Variants in FREM2 observed in about 807,000 individuals in gnomAD.
FREM2 encodes the protein FRAS1 related extracellular matrix 2.
In FREM2, 119 loss-of-function variants were observed where a neutral mutation model predicts 219.9. That is an observed-to-expected ratio of 0.54 (90% CI 0.47 to 0.63). The LOEUF (loss-of-function observed/expected upper bound fraction) is 0.63, where lower values mean the gene tolerates loss of function less well. Ranked by LOEUF, FREM2 falls within the 30% of genes least tolerant of loss-of-function variation. The pLI is 0.00. For synonymous variants in FREM2, 1,562 were observed against 1,522.8 expected (o/e 1.03, Z -0.60); for missense variants, 4,030 against 3,993.6 (o/e 1.01, Z -0.25).
intron 6 of FREM2, among the ~76,000 whole-genome samples, chr13:38,815,074 TGG>T (rs1330074027): frequency 6.6e-6 from 1 of 152,184 alleles, no homozygotes; most frequent in African/African-American, 2.4e-5. Flanking sequence ...GTGGCAGAGC[TGG>T]TGCTGATTTT....
In FREM2 at chr13:38,885,527, T is replaced by C. The variant is rs1174793180; in HGVS notation, c.*4740T>C. The C allele has an allele frequency of 6.6e-6, 1 of 152,180 alleles. No individual in the cohort carries two copies. The highest frequency in any genetic ancestry group is 2.4e-5 in the African/African-American group (1 of 41,442). The allele number at this position is 152,180 out of a possible 1,614,324, so 9.4% of individuals were successfully genotyped here. ...TTCTTTCTTTTAATTTGTTGAACTA[T>C]AGGTTTCTTTCTGAGATGTATTTTT... On this transcript the variant is annotated 3_prime_UTR_variant, in exon 24 of 24. Coordinates refer to ENST00000280481, the MANE Select transcript of FREM2 (RefSeq NM_207361.6).
chr13:38,710,409 C>G (rs1213920372), intron 2 of FREM2, among the ~76,000 whole-genome samples: 1 of 152,116 alleles, frequency 6.6e-6, no homozygotes, highest in African/African-American at 2.4e-5. Context: ...TACTTCAGGA[C>G]CAATGAGAAG....
intron 2 of FREM2, among the ~76,000 whole-genome samples, chr13:38,758,214 A>G (rs1214387634): frequency 6.6e-6 from 1 of 152,166 alleles, no homozygotes; most frequent in African/African-American, 2.4e-5. Context: ...AAGGAATTAA[A>G]TATTTAGTAA....
chr13:38,879,089 T>C, intron 23 of FREM2, 112 bp downstream of exon 23: 2 of 1,009,850 alleles, frequency 2.0e-6, no homozygotes, highest in Non-Finnish European at 3.2e-6. Context: ...TAATATTGCA[T>C]ACAGTTAATG....
intron 2 of FREM2, among the ~76,000 whole-genome samples, chr13:38,710,081 G>A (rs1275262959): frequency 6.6e-6 from 1 of 151,714 alleles, no homozygotes; most frequent in Non-Finnish European, 1.5e-5. Flanking sequence ...CCCAGCAGGA[G>A]GCTGAGGCAG....
chr13:38,779,250 A>G (rs1338231930), intron 4 of FREM2, among the ~76,000 whole-genome samples: 1 of 152,102 alleles, frequency 6.6e-6, no homozygotes, highest in Non-Finnish European at 1.5e-5. Flanking sequence ...AAGGGGAGGG[A>G]GAGCATTAGG....
At chr13:38,772,243 T>A in intron 4 of FREM2, among the ~76,000 whole-genome samples, 1 of 152,208 alleles carries the variant, frequency 6.6e-6, no homozygotes, top group Non-Finnish European at 1.5e-5. Flanking sequence ...CAGCACTATA[T>A]ATTGGGAATG....
intron 6 of FREM2, among the ~76,000 whole-genome samples, chr13:38,845,369 T>C (rs887783998): frequency 1.3e-5 from 2 of 152,174 alleles, no homozygotes; most frequent in Non-Finnish European, 2.9e-5. Flanking sequence ...TGAAACATGA[T>C]ATCATGTTTT....
chr13:38,739,501 A>C (rs1476175204), intron 2 of FREM2, among the ~76,000 whole-genome samples: 1 of 152,176 alleles, frequency 6.6e-6, no homozygotes, highest in Non-Finnish European at 1.5e-5. Context: ...CTCTTCATGA[A>C]ACCAAATCAT....
rs1878589821 is a variant in FREM2, at chr13:38,882,701, C to T, written c.*1914C>T. 6.6e-6 allele frequency: 1 copy of T among 152,108 alleles called. No individual in the cohort carries two copies. Among genetic ancestry groups the T allele is most frequent in the African/African-American group, 2.4e-5 (1 of 41,404 alleles). The allele number at this position is 152,108 out of a possible 1,614,324, so 9.4% of individuals were successfully genotyped here. A position where few individuals can be genotyped will look rare whatever the true frequency, so the allele number is the denominator to read the frequency against. On this transcript the variant is annotated 3_prime_UTR_variant, in exon 24 of 24. Coordinates refer to ENST00000280481, the MANE Select transcript of FREM2 (RefSeq NM_207361.6). Reference sequence around the variant, plus strand: ...ATCATTCCCCTTTCCTTTGCTTTACCTTCTGGCAGATGCTTAGCTACTTCT... The same window carrying T: ...ATCATTCCCCTTTCCTTTGCTTTACTTTCTGGCAGATGCTTAGCTACTTCT...
intron 2 of FREM2, among the ~76,000 whole-genome samples, chr13:38,714,766 TA>T (rs1354403202): frequency 1.3e-5 from 2 of 152,026 alleles, no homozygotes; most frequent in Non-Finnish European, 2.9e-5. Flanking sequence ...AGTTTTTAGT[TA>T]AAAAAACTTA....
chr13:38,694,731 G>A lies in FREM2; in HGVS notation c.5173+2214G>A, dbSNP rs1870034503. 4.6e-5 allele frequency among the ~76,000 whole-genome samples: 7 copies of A among 152,130 alleles called. No individual in the cohort carries two copies. The South Asian group carries it at 1.4e-3, about 32-fold the overall frequency. The stretch of plus-strand genomic sequence containing the variant: ...CCTTTCTAAAACTTATTAAATTGAT[G>A]AAAAGTTAACAATGTATAATTAGGT... On this transcript the variant is annotated intron_variant, in intron 1 of 23. Transcript: ENST00000280481.
chr13:38,715,989 A>G (rs1364980726), intron 2 of FREM2, among the ~76,000 whole-genome samples: 1 of 152,154 alleles, frequency 6.6e-6, no homozygotes, highest in Admixed American at 6.5e-5. Flanking sequence ...TTGAGTTCCA[A>G]AGTTACCTAG....
intron 2 of FREM2, among the ~76,000 whole-genome samples, chr13:38,712,893 A>T (rs994175191): frequency 6.6e-6 from 1 of 152,172 alleles, no homozygotes; most frequent in African/African-American, 2.4e-5. Context: ...TTTAATTCTC[A>T]TAGTAATTAA....
At chr13:38,832,436 GA>G (rs1566158900) in intron 6 of FREM2, among the ~76,000 whole-genome samples, 1 of 152,038 alleles carries the variant, frequency 6.6e-6, no homozygotes, top group Non-Finnish European at 1.5e-5. Flanking sequence ...GGTAGCAAAT[GA>G]ATGTATGCAA....
chr13:38,691,825 A>G lies in FREM2; in HGVS notation c.4481A>G (p.Tyr1494Cys), dbSNP rs1436823905. 1.9e-6 allele frequency: 3 copies of G among 1,614,108 alleles called. No individual in the cohort carries two copies. The highest frequency in any genetic ancestry group is 2.2e-5 in the East Asian group (1 of 44,884). Residue 1494 changes from tyrosine to cysteine, a missense_variant, in exon 1 of 24, where the codon TAC becomes TGC. Physicochemically the swap from Tyr to Cys is radical, Grantham distance 194 (BLOSUM62 -2). This residue lies in a region of FREM2 where 3,102 missense variants were observed against 2,950.7 expected (regional missense o/e 1.05). Coordinates refer to ENST00000280481, the MANE Select transcript of FREM2 (RefSeq NM_207361.6). ...CAACTGGCTGGAAACAAAATCTACT[A>G]CATCCACACAGCTGATGATGAAGTG... Reference protein sequence around the residue: ...QLQLAGNKIYYIHTADDEVKM... With the variant: ...QLQLAGNKIYCIHTADDEVKM...
At chr13:38,755,994 A>T (rs567409440) in intron 2 of FREM2, among the ~76,000 whole-genome samples, 34 of 152,318 alleles carry the variant, frequency 2.2e-4, no homozygotes, top group Non-Finnish European at 4.3e-4. Context: ...CCAGGGACAG[A>T]TGGCTGGAGG....
intron 6 of FREM2, among the ~76,000 whole-genome samples, chr13:38,805,333 G>A (rs1875182444): frequency 1.3e-5 from 2 of 151,524 alleles, no homozygotes; most frequent in Non-Finnish European, 1.5e-5. Context: ...AAGGAGGAGA[G>A]GGATTGAAAA....
chr13:38,688,372 T>C lies in FREM2; in HGVS notation c.1028T>C (p.Leu343Pro), dbSNP rs754547513. The change falls in exon 1 of 24, where the codon CTG becomes CCG. Residue 343 changes from leucine to proline, a missense_variant. Leu to Pro is a moderately conservative substitution (Grantham distance 98). Transcript: ENST00000280481. The part of the protein sequence containing the change: ...FVLTALTPDM[L>P]AAEDAESPSD... Reference sequence around the variant, plus strand: ...CTGACGGCCCTGACCCCAGACATGCTGGCAGCCGAGGATGCTGAGTCTCCC... The same window carrying C: ...CTGACGGCCCTGACCCCAGACATGCCGGCAGCCGAGGATGCTGAGTCTCCC... 5 of 1,614,150 alleles carry C rather than the reference T, an allele frequency of 3.1e-6. No homozygotes were observed. The South Asian group carries it at 4.4e-5, about 14-fold the overall frequency.
Sources: allele counts gnomAD v4.1 joint callset (sites outside exome capture counted in the v4.1 genomes callset), GRCh38; gene constraint gnomAD v4.1.1; regional missense constraint gnomAD v4.1.1; transcripts MANE v1.5; gene names NCBI Gene and HGNC (gene_info 2026-07-23, HGNC 2026-07-21).